The following ABCC4 variants were observed in gnomAD, a reference collection of about 807,000 sequenced individuals.
ABCC4 encodes the protein ATP binding cassette subfamily C member 4 (PEL blood group).
In ABCC4, 102 loss-of-function variants were observed where a neutral mutation model predicts 168.5. The observed-to-expected ratio is 0.61, with a 90% confidence interval of 0.52 to 0.71. The LOEUF is 0.71. ABCC4 is among the 30% of genes least tolerant of loss of function. ABCC4 has a pLI of 0.00. For synonymous variants in ABCC4, 617 were observed against 590.7 expected (o/e 1.04, Z -0.65); for missense variants, 1,402 against 1,605.8 (o/e 0.87, Z 2.17).
chr13:95,107,419 A>G (rs773452725), intron 20 of ABCC4, among the ~76,000 whole-genome samples: 1 of 152,234 alleles, frequency 6.6e-6, no homozygotes, highest in Non-Finnish European at 1.5e-5. Context: ...ATACTTATGT[A>G]ACTTTCTATA....
chr13:95,258,697 C>A (rs568084932), intron 1 of ABCC4, among the ~76,000 whole-genome samples: 2 of 152,224 alleles, frequency 1.3e-5, no homozygotes, highest in East Asian at 3.9e-4. Context: ...TGACTCTCCA[C>A]CCAGGCTGAA....
chr13:95,035,650 C>A (rs2032090536), intron 29 of ABCC4, among the ~76,000 whole-genome samples: 1 of 152,160 alleles, frequency 6.6e-6, no homozygotes, highest in South Asian at 2.1e-4. Flanking sequence ...AATATGTCCA[C>A]TGGAAATTGA....
At chr13:95,164,805 C>T (rs182595060) in intron 15 of ABCC4, among the ~76,000 whole-genome samples, 36 of 152,252 alleles carry the variant, frequency 2.4e-4, no homozygotes, top group African/African-American at 7.9e-4. Flanking sequence ...AGCAATTATC[C>T]TGCCTCAGCC....
chr13:95,256,853 C>T (rs888785064), intron 1 of ABCC4, among the ~76,000 whole-genome samples: 1 of 152,216 alleles, frequency 6.6e-6, no homozygotes, highest in African/African-American at 2.4e-5. Context: ...TAAACTTCAT[C>T]TCTCATAAGA....
At chr13:95,270,623 G>A (rs1300536575) in intron 1 of ABCC4, among the ~76,000 whole-genome samples, 1 of 152,178 alleles carries the variant, frequency 6.6e-6, no homozygotes, top group Non-Finnish European at 1.5e-5. Flanking sequence ...GCTGGCCAGG[G>A]CCCACGCATG....
chr13:95,247,023 C>T lies in ABCC4; in HGVS notation c.258G>A (p.Lys86=). 1.2e-6 allele frequency: 2 copies of T among 1,612,436 alleles called. No individual in the cohort carries two copies. Among genetic ancestry groups the T allele is most frequent in the Non-Finnish European group, 1.7e-6 (2 of 1,178,502 alleles). ...QKPSLTRAII[K]CYWKSYLVLG... ...AAACTAAATAAGATTTCCAGTAACA[C>T]TTTATGATTGCTCTTGTTAAAGAAG... The change falls in exon 3 of 31, where the codon AAG becomes AAA. Residue 86 remains lysine, a synonymous_variant. Transcript: ENST00000645237.
intron 19 of ABCC4, among the ~76,000 whole-genome samples, chr13:95,153,212 T>C (rs1255208472): frequency 6.6e-6 from 1 of 152,128 alleles, no homozygotes; most frequent in Non-Finnish European, 1.5e-5. Context: ...GATCTAACAG[T>C]GGGGGACAGT....
rs189788566 is a variant in ABCC4, at chr13:95,130,446, G to A, written c.2456-14445C>T. 1.6e-4 allele frequency among the ~76,000 whole-genome samples: 24 copies of A among 152,288 alleles called. 1 individual carries two copies. The highest frequency in any genetic ancestry group is 1.3e-3 in the Admixed American group (20 of 15,292). ...CAGTACACAATGATTACTGCACTGT[G>A]TGTATTTATTTGTCAGCTACACTAT... is the stretch of plus-strand genomic sequence containing the variant. On this transcript the variant is annotated intron_variant, in intron 19 of 30. Transcript: ENST00000645237.
At chr13:95,106,446 C>T (rs1433591955) in intron 20 of ABCC4, among the ~76,000 whole-genome samples, 1 of 151,090 alleles carries the variant, frequency 6.6e-6, no homozygotes, top group African/African-American at 2.4e-5. Flanking sequence ...TTTATTTAGC[C>T]ACAGATGAGA....
intron 1 of ABCC4, among the ~76,000 whole-genome samples, chr13:95,282,709 A>AT (rs2041156566): frequency 6.6e-6 from 1 of 151,390 alleles, no homozygotes; most frequent in Admixed American, 6.6e-5. Flanking sequence ...TAATTTTTGT[A>AT]TTTTTAGTAG....
chr13:95,038,543 A>T (rs1188876633), intron 29 of ABCC4, among the ~76,000 whole-genome samples: 1 of 152,018 alleles, frequency 6.6e-6, no homozygotes, highest in Non-Finnish European at 1.5e-5. Flanking sequence ...TGAGGAATGG[A>T]CAGACTTAGA....
intron 11 of ABCC4, among the ~76,000 whole-genome samples, chr13:95,182,577 G>A (rs927334879): frequency 6.6e-6 from 1 of 152,130 alleles, no homozygotes; most frequent in African/African-American, 2.4e-5. Flanking sequence ...CAAAATTGGT[G>A]GCTCTTATAA....
intron 1 of ABCC4, among the ~76,000 whole-genome samples, chr13:95,258,764 CAGG>C (rs1486674479): frequency 3.9e-5 from 6 of 152,150 alleles, no homozygotes; most frequent in African/African-American, 1.2e-4. Context: ...TAAGCGCCTG[CAGG>C]AGAAGGGGAA....
chr13:95,066,454 A>G (rs1594039400), intron 25 of ABCC4, among the ~76,000 whole-genome samples: 1 of 152,142 alleles, frequency 6.6e-6, no homozygotes, highest in Non-Finnish European at 1.5e-5. Context: ...GCTTTGTATT[A>G]TTTGTATCAC....
rs1594241945 is a variant in ABCC4, at chr13:95,177,915, A to G, written c.1640+82T>C. The G allele has an allele frequency of 2.0e-6, 3 of 1,508,858 alleles. No homozygotes were observed. In the East Asian group the frequency reaches 6.8e-5, roughly 34 times the overall value. 93.5% of individuals were successfully genotyped at this position (1,508,858 alleles called of 1,614,324 possible). A position where few individuals can be genotyped will look rare whatever the true frequency, so the allele number is the denominator to read the frequency against. On this transcript the variant is annotated intron_variant, in intron 12 of 30. Coordinates refer to ENST00000645237, the MANE Select transcript of ABCC4 (RefSeq NM_005845.5). ...AGGTGCTTCACACAGGACGCAATAC[A>G]CAGTAAGCAGGTCCTATGTGCTCAC...
intron 3 of ABCC4, among the ~76,000 whole-genome samples, chr13:95,244,465 TC>T (rs1465439966): frequency 2.0e-5 from 3 of 150,628 alleles, no homozygotes; most frequent in Non-Finnish European, 4.4e-5. Context: ...GCACCTGTGG[TC>T]CTAGCTACTT....
intron 19 of ABCC4, among the ~76,000 whole-genome samples, chr13:95,126,852 ATATATT>A (rs1179034248): frequency 2.0e-5 from 3 of 146,350 alleles, no homozygotes; most frequent in African/African-American, 7.6e-5. Context: ...CACCAAATAT[ATATATT>A]TATATATATT....
At chr13:95,219,867 T>C (rs1431491982) in intron 4 of ABCC4, among the ~76,000 whole-genome samples, 2 of 150,682 alleles carry the variant, frequency 1.3e-5, no homozygotes, top group African/African-American at 4.9e-5. Context: ...TGCTTTTTTT[T>C]TCCCCCCGAG....
At chr13:95,143,273 G>A (rs1019902916) in intron 19 of ABCC4, among the ~76,000 whole-genome samples, 3 of 152,064 alleles carry the variant, frequency 2.0e-5, no homozygotes, top group Non-Finnish European at 2.9e-5. Context: ...GCACTTGGCT[G>A]TGGTTCTTCT....
Sources: allele counts gnomAD v4.1 joint callset (sites outside exome capture counted in the v4.1 genomes callset), GRCh38; gene constraint gnomAD v4.1.1; transcripts MANE v1.5; gene names NCBI Gene and HGNC (gene_info 2026-07-23, HGNC 2026-07-21).